Variants in PTPRT observed in about 807,000 individuals in gnomAD.
The protein encoded by PTPRT is receptor-type tyrosine-protein phosphatase T.
Under a neutral mutation model 176.8 loss-of-function variants are expected in PTPRT, and 56 were observed. The ratio of observed to expected loss-of-function variants is 0.32; its 90% CI spans 0.26 to 0.40. PTPRT has a LOEUF of 0.40. Among genes scored for constraint, PTPRT ranks in the 10% least tolerant of loss-of-function variants. The pLI, the probability that PTPRT is intolerant of heterozygous loss-of-function variation, is 1.00. For synonymous variants in PTPRT, 783 were observed against 739.0 expected (o/e 1.06, Z -0.96); for missense variants, 1,540 against 1,908.2 (o/e 0.81, Z 3.60).
chr20:42,868,450 T>C (rs1211335813), intron 2 of PTPRT, among the ~76,000 whole-genome samples: 1 of 152,188 alleles, frequency 6.6e-6, no homozygotes, highest in Non-Finnish European at 1.5e-5. Flanking sequence ...GGATATCTGG[T>C]GAAAGAAGTA....
At chr20:42,445,304 T>C (rs1162077573) in intron 9 of PTPRT, among the ~76,000 whole-genome samples, 1 of 152,192 alleles carries the variant, frequency 6.6e-6, no homozygotes, top group African/African-American at 2.4e-5. Context: ...CCAAACACTG[T>C]ACAAAACCTA....
At chr20:42,653,923 C>T (rs78331409) in intron 7 of PTPRT, among the ~76,000 whole-genome samples, 85 of 152,256 alleles carry the variant, frequency 5.6e-4, no homozygotes, top group African/African-American at 2.0e-3. Context: ...TTCAATTATT[C>T]AGTATTCTTT....
chr20:42,639,038 C>T (rs1429082920), intron 7 of PTPRT, among the ~76,000 whole-genome samples: 3 of 152,130 alleles, frequency 2.0e-5, no homozygotes, highest in Admixed American at 2.0e-4. Flanking sequence ...TTTTAAAGAA[C>T]CTTCCCATTT....
chr20:43,090,464 T>C (rs549030700), intron 1 of PTPRT, among the ~76,000 whole-genome samples: 1 of 152,156 alleles, frequency 6.6e-6, no homozygotes, highest in South Asian at 2.1e-4. Context: ...GAGACAGGGT[T>C]TCACCGTTTT....
chr20:42,524,862 T>C lies in PTPRT; in HGVS notation c.1154-52300A>G, dbSNP rs544428801. Among the ~76,000 whole-genome samples, 185 of 152,326 alleles carry C rather than the reference T, an allele frequency of 1.2e-3. 1 individual carries two copies. The highest frequency in any genetic ancestry group is 3.9e-3 in the African/African-American group (162 of 41,584). ...TAAGTTCTAGCCTCCAACCAATTCA[T>C]TAATTCTCTTCTCCTGTATGTCTCA... On this transcript the variant is annotated intron_variant, in intron 7 of 30. Coordinates refer to ENST00000373187, the MANE Select transcript of PTPRT (RefSeq NM_007050.6).
intron 7 of PTPRT, among the ~76,000 whole-genome samples, chr20:42,606,202 C>A (rs949735352): frequency 6.6e-6 from 1 of 151,774 alleles, no homozygotes; most frequent in East Asian, 1.9e-4. Flanking sequence ...CCTGAGGGAC[C>A]CCTTCCACCC....
chr20:43,035,505 C>A (rs1986341199), intron 1 of PTPRT, among the ~76,000 whole-genome samples: 1 of 152,156 alleles, frequency 6.6e-6, no homozygotes, highest in Admixed American at 6.5e-5. Flanking sequence ...AGGGTCTGGT[C>A]CCTGCCACGC....
chr20:42,670,982 G>A (rs2075403179), intron 7 of PTPRT, among the ~76,000 whole-genome samples: 1 of 152,092 alleles, frequency 6.6e-6, no homozygotes, highest in African/African-American at 2.4e-5. Context: ...TAACAATGAG[G>A]AAGAGCTTCT....
chr20:43,167,906 A>G (rs2014897236), intron 1 of PTPRT, among the ~76,000 whole-genome samples: 1 of 152,232 alleles, frequency 6.6e-6, no homozygotes, highest in Non-Finnish European at 1.5e-5. Context: ...CACCTTGACT[A>G]CAGCCTTATG....
chr20:43,078,942 TAC>T (rs1406408967), intron 1 of PTPRT, among the ~76,000 whole-genome samples: 2 of 152,140 alleles, frequency 1.3e-5, no homozygotes, highest in Non-Finnish European at 2.9e-5. Flanking sequence ...CACACATAAA[TAC>T]ACATGCCACT....
chr20:42,591,975 CT>C (rs71335866), intron 7 of PTPRT, among the ~76,000 whole-genome samples: 8,101 of 102,106 alleles, frequency 0.079, 219 homozygotes, highest in African/African-American at 0.21. Context: ...GCTGGAGATT[CT>C]TTTTTTTTTT....
rs184034642 is a variant in PTPRT, at chr20:42,716,602, G to T, written c.860-38443C>A. 3.3e-3 allele frequency among the ~76,000 whole-genome samples: 502 copies of T among 151,918 alleles called. 4 individuals carry two copies. The highest frequency in any genetic ancestry group is 0.012 in the African/African-American group (477 of 41,380). ...CACCCACTTTTTGATGGGGTTGTTT[G>T]TTTTTTTCTTGTAAATTTGTTTGAG... On this transcript the variant is annotated intron_variant, in intron 6 of 30. Coordinates refer to ENST00000373187, the MANE Select transcript of PTPRT (RefSeq NM_007050.6).
intron 7 of PTPRT, among the ~76,000 whole-genome samples, chr20:42,634,063 TAATATATATATAATATATATATAA>T (rs2074529443): frequency 4.6e-5 from 2 of 43,806 alleles, no homozygotes; most frequent in Non-Finnish European, 7.5e-5. Context: ...TATAAATATA[TAATATATATATAATATATATATAA>T]TATAATAATA....
At chr20:42,721,926 T>TC (rs1183252548) in intron 6 of PTPRT, among the ~76,000 whole-genome samples, 1 of 152,142 alleles carries the variant, frequency 6.6e-6, no homozygotes, top group Non-Finnish European at 1.5e-5. Context: ...TGCTGCCACA[T>TC]CCCCCAGGGA....
chr20:42,214,212 C>T lies in PTPRT; in HGVS notation c.2343-14824G>A, dbSNP rs141532674. 3.2e-4 allele frequency among the ~76,000 whole-genome samples: 49 copies of T among 152,286 alleles called. No individual in the cohort carries two copies. In the East Asian group the frequency reaches 9.3e-3, roughly 29 times the overall value. ...TTCTCTAAGATTCCCTGTTATGTCA[C>T]GCTTAGGCAAAAAGCCATCACATAT... On this transcript the variant is annotated intron_variant, in intron 15 of 30. Coordinates refer to ENST00000373187, the MANE Select transcript of PTPRT (RefSeq NM_007050.6).
At chr20:42,112,792 G>A (rs1987072556) in intron 22 of PTPRT, among the ~76,000 whole-genome samples, 2 of 152,182 alleles carry the variant, frequency 1.3e-5, no homozygotes, top group Non-Finnish European at 2.9e-5. Flanking sequence ...AACTAACATA[G>A]GGGCAGGACT....
intron 1 of PTPRT, among the ~76,000 whole-genome samples, chr20:43,111,859 C>T (rs1456489892): frequency 1.3e-5 from 2 of 152,182 alleles, no homozygotes; most frequent in African/African-American, 4.8e-5. Flanking sequence ...AGCTGCCAGT[C>T]ATCAGACTTT....
At chr20:43,094,475 C>T (rs537465557) in intron 1 of PTPRT, among the ~76,000 whole-genome samples, 23 of 141,184 alleles carry the variant, frequency 1.6e-4, no homozygotes, top group Admixed American at 8.7e-4. Context: ...CTCGGCTCAC[C>T]GCAACCTCCA....
At chr20:42,666,120 TGAAA>T (rs1231471237) in intron 7 of PTPRT, among the ~76,000 whole-genome samples, 3 of 151,908 alleles carry the variant, frequency 2.0e-5, no homozygotes, top group East Asian at 1.9e-4. Context: ...AAATAAAGGC[TGAAA>T]GAAAGAAGAA....
Sources: gnomAD v4.1 joint callset for allele counts (sites outside exome capture counted in the v4.1 genomes callset) on GRCh38, gnomAD v4.1.1 for gene constraint, MANE v1.5 for transcripts, NCBI Gene and HGNC (gene_info 2026-07-23, HGNC 2026-07-21) for gene names.